The following ADAM12 variants were observed in gnomAD, a reference collection of about 807,000 sequenced individuals.
ADAM12 encodes ADAM metallopeptidase domain 12.
ADAM12 carries 70 observed loss-of-function variants against 106.4 expected under a neutral mutation model. That is an observed-to-expected ratio of 0.66 (90% CI 0.54 to 0.80). ADAM12 has a LOEUF of 0.80. ADAM12 is among the 30% of genes least tolerant of loss of function. ADAM12 has a pLI of 0.00. For missense variants in ADAM12, 1,010 were observed against 1,171.9 expected, an observed-to-expected ratio of 0.86 and a Z score of 2.02; for synonymous variants, 420 against 433.5, an observed-to-expected ratio of 0.97 and a Z score of 0.39.
intron 3 of ADAM12, among the ~76,000 whole-genome samples, chr10:126,251,636 T>TGGATAGGATGGACGGATAGATGAATG (rs1554995745): frequency 6.8e-6 from 1 of 147,820 alleles, no homozygotes; most frequent in African/African-American, 2.5e-5. Flanking sequence ...ATGGATGGGA[T>TGGATAGGATGGACGGATAGATGAATG]GATGGGATGG....
At chr10:126,141,029 G>T (rs1033127316) in intron 4 of ADAM12, among the ~76,000 whole-genome samples, 1 of 152,342 alleles carries the variant, frequency 6.6e-6, no homozygotes, top group Middle Eastern at 3.4e-3. Flanking sequence ...ACCTCTGCAC[G>T]CACTGATGCT....
intron 3 of ADAM12, among the ~76,000 whole-genome samples, chr10:126,218,496 T>G (rs1175195270): frequency 3.3e-5 from 5 of 152,192 alleles, no homozygotes; most frequent in Non-Finnish European, 7.3e-5. Context: ...AGAGACATAC[T>G]GAGGGCATCT....
At chr10:126,166,521 C>T (rs1013372270) in intron 3 of ADAM12, among the ~76,000 whole-genome samples, 6 of 125,426 alleles carry the variant, frequency 4.8e-5, no homozygotes, top group Middle Eastern at 4.5e-3. Flanking sequence ...TTTTTTGAGA[C>T]GGAGTCTCGT....
At chr10:126,045,516 T>G (rs896112188) in intron 17 of ADAM12, among the ~76,000 whole-genome samples, 2 of 152,200 alleles carry the variant, frequency 1.3e-5, no homozygotes, top group Admixed American at 1.3e-4. Flanking sequence ...TATGATTCCA[T>G]TGGAAATAAG....
At chr10:126,093,135 G>A (rs1590398544) in intron 11 of ADAM12, among the ~76,000 whole-genome samples, 2 of 152,152 alleles carry the variant, frequency 1.3e-5, no homozygotes, top group South Asian at 2.1e-4. Context: ...GAAAGTCAGT[G>A]TTCATAAGGT....
chr10:126,322,580 G>T (rs1222871357), intron 2 of ADAM12, among the ~76,000 whole-genome samples: 1 of 152,208 alleles, frequency 6.6e-6, no homozygotes. Flanking sequence ...CAGCCCTGGG[G>T]CAGTGATAGG....
chr10:126,276,903 A>T (rs1959277285), intron 3 of ADAM12, among the ~76,000 whole-genome samples: 1 of 152,244 alleles, frequency 6.6e-6, no homozygotes, highest in Non-Finnish European at 1.5e-5. Flanking sequence ...TAGTATCTGC[A>T]GTAATGGAAG....
chr10:126,318,405 A>C (rs1488270319), intron 2 of ADAM12, among the ~76,000 whole-genome samples: 2 of 151,638 alleles, frequency 1.3e-5, no homozygotes, highest in African/African-American at 4.9e-5. Context: ...GTCATACACA[A>C]ACACACACAC....
At chr10:126,321,514 C>T (rs985927578) in intron 2 of ADAM12, among the ~76,000 whole-genome samples, 1 of 152,178 alleles carries the variant, frequency 6.6e-6, no homozygotes, top group African/African-American at 2.4e-5. Context: ...CTCCCTAAGC[C>T]AGGGACACAG....
At chr10:126,348,418 C>T (rs1855226515) in intron 1 of ADAM12, among the ~76,000 whole-genome samples, 1 of 152,062 alleles carries the variant, frequency 6.6e-6, no homozygotes. Context: ...GGAAAGGAAG[C>T]TTCTTATATG....
At chr10:126,376,083 C>G (rs755033143) in intron 1 of ADAM12, among the ~76,000 whole-genome samples, 17 of 150,898 alleles carry the variant, frequency 1.1e-4, no homozygotes, top group Admixed American at 1.1e-3. Flanking sequence ...GATATGCTAC[C>G]CAATGAAACA....
intron 1 of ADAM12, among the ~76,000 whole-genome samples, chr10:126,379,076 C>G (rs1333210397): frequency 6.6e-6 from 1 of 152,136 alleles, no homozygotes; most frequent in Admixed American, 6.6e-5. Flanking sequence ...AATAGGAAGG[C>G]TTTTACACTG....
chr10:126,314,374 G>A (rs1386145713), intron 2 of ADAM12, among the ~76,000 whole-genome samples: 2 of 152,144 alleles, frequency 1.3e-5, no homozygotes, highest in Non-Finnish European at 2.9e-5. Flanking sequence ...TGCTCCAAAG[G>A]GAGTTTCAAT....
intron 2 of ADAM12, among the ~76,000 whole-genome samples, chr10:126,284,737 G>T (rs1287881365): frequency 2.0e-5 from 3 of 152,172 alleles, no homozygotes; most frequent in African/African-American, 7.2e-5. Context: ...TCCTTGGGCA[G>T]GTGACCCATC....
intron 1 of ADAM12, among the ~76,000 whole-genome samples, chr10:126,337,641 A>G (rs1466109819): frequency 6.6e-6 from 1 of 152,016 alleles, no homozygotes; most frequent in Non-Finnish European, 1.5e-5. Flanking sequence ...CTCTGGCAAC[A>G]CCCTCCCAGA....
intron 14 of ADAM12, among the ~76,000 whole-genome samples, chr10:126,061,064 C>T (rs1263748517): frequency 3.3e-5 from 5 of 152,232 alleles, no homozygotes; most frequent in Non-Finnish European, 7.3e-5. Context: ...CTCTTCCACC[C>T]CTGGCAAACC....
At chr10:126,144,028 G>A (rs1052572847) in intron 4 of ADAM12, among the ~76,000 whole-genome samples, 6 of 152,096 alleles carry the variant, frequency 3.9e-5, no homozygotes, top group Non-Finnish European at 7.4e-5. Context: ...CCCATCCTCC[G>A]AGCATCTCTG....
chr10:126,103,635 T>C (rs1413687955), intron 8 of ADAM12, among the ~76,000 whole-genome samples: 1 of 152,184 alleles, frequency 6.6e-6, no homozygotes, highest in Non-Finnish European at 1.5e-5. Flanking sequence ...AACACTGCCA[T>C]CTTCTGTGAG....
intron 2 of ADAM12, among the ~76,000 whole-genome samples, chr10:126,280,670 TTA>T (rs1959530619): frequency 6.6e-6 from 1 of 152,230 alleles, no homozygotes; most frequent in Non-Finnish European, 1.5e-5. Context: ...GGTTTTTTCC[TTA>T]TGAGCTTCAA....
Sources: gnomAD v4.1 joint callset for allele counts (sites outside exome capture counted in the v4.1 genomes callset) on GRCh38, gnomAD v4.1.1 for gene constraint, MANE v1.5 for transcripts, NCBI Gene and HGNC (gene_info 2026-07-23, HGNC 2026-07-21) for gene names.